CDH8: variants seen among roughly 807,000 people sequenced by gnomAD.
The protein encoded by CDH8 is cadherin 8.
CDH8 carries 17 observed loss-of-function variants against 68.1 expected under a neutral mutation model. The ratio of observed to expected loss-of-function variants is 0.25; its 90% CI spans 0.17 to 0.37. CDH8 has a LOEUF of 0.37. CDH8 is among the 10% of genes least tolerant of loss of function. The probability of loss-of-function intolerance (pLI) is 1.00; values close to 1 mark genes in which losing one functional copy is unlikely to be tolerated. For missense variants in CDH8, 763 were observed against 999.3 expected (o/e 0.76, Z 3.19); for synonymous variants, 372 against 365.1 (o/e 1.02, Z -0.21).
At chr16:61,704,566 G>A (rs1320147427) in intron 10 of CDH8, among the ~76,000 whole-genome samples, 1 of 152,078 alleles carries the variant, frequency 6.6e-6, no homozygotes, top group African/African-American at 2.4e-5. Flanking sequence ...AGTACATAAA[G>A]TACCACAGAA....
intron 4 of CDH8, 52 bp from the exon 5 acceptor site, chr16:61,825,231 T>C: frequency 6.8e-7 from 1 of 1,465,662 alleles, no homozygotes; most frequent in Non-Finnish European, 9.4e-7. Flanking sequence ...AATTCAAAAA[T>C]GAAAGTGTTA....
intron 1 of CDH8, among the ~76,000 whole-genome samples, chr16:62,030,822 A>G (rs1902307342): frequency 1.3e-5 from 2 of 152,074 alleles, no homozygotes; most frequent in Admixed American, 1.3e-4. Context: ...GTACCTTATC[A>G]TGGCACACTA....
chr16:61,864,322 G>T (rs149496016), intron 3 of CDH8, among the ~76,000 whole-genome samples: 1,599 of 151,798 alleles, frequency 0.011, 10 homozygotes, highest in Non-Finnish European at 0.016. Context: ...TGGTTGGTTG[G>T]TTGGTTGGTT....
At chr16:61,898,408 T>C (rs1963907115) in intron 3 of CDH8, among the ~76,000 whole-genome samples, 1 of 151,916 alleles carries the variant, frequency 6.6e-6, no homozygotes, top group South Asian at 2.1e-4. Context: ...GGATAACAAA[T>C]CAAGACCTGA....
At chr16:61,794,904 C>T (rs1007527287) in intron 7 of CDH8, among the ~76,000 whole-genome samples, 1 of 151,874 alleles carries the variant, frequency 6.6e-6, no homozygotes, top group African/African-American at 2.4e-5. Flanking sequence ...AGAAAGGATG[C>T]CATTTTTGGA....
intron 8 of CDH8, among the ~76,000 whole-genome samples, chr16:61,753,396 C>T (rs1281025058): frequency 7.2e-5 from 11 of 152,010 alleles, no homozygotes; most frequent in Admixed American, 3.3e-4. Context: ...TGTGCCACCA[C>T]GCCCATCTAA....
At chr16:61,967,586 T>C (rs1670637013) in intron 2 of CDH8, among the ~76,000 whole-genome samples, 1 of 152,194 alleles carries the variant, frequency 6.6e-6, no homozygotes, top group African/African-American at 2.4e-5. Flanking sequence ...ATGTACATCA[T>C]ATACATGTAG....
chr16:61,756,140 C>T (rs1045748521), intron 8 of CDH8, among the ~76,000 whole-genome samples: 1 of 152,054 alleles, frequency 6.6e-6, no homozygotes, highest in Admixed American at 6.6e-5. Flanking sequence ...ATTTTGTAAC[C>T]AAGTTGTTAC....
At chr16:61,972,261 G>A (rs532273453) in intron 2 of CDH8, among the ~76,000 whole-genome samples, 3 of 152,298 alleles carry the variant, frequency 2.0e-5, no homozygotes, top group Admixed American at 2.0e-4. Flanking sequence ...ATGTGGAACT[G>A]TGAGTTAATT....
chr16:61,676,781 T>C, intron 10 of CDH8, among the ~76,000 whole-genome samples: 1 of 152,026 alleles, frequency 6.6e-6, no homozygotes. Context: ...GACATTGTCA[T>C]CCTAAAAATA....
At chr16:61,666,725 G>A (rs549479788) in intron 10 of CDH8, among the ~76,000 whole-genome samples, 4 of 151,816 alleles carry the variant, frequency 2.6e-5, no homozygotes, top group Non-Finnish European at 5.9e-5. Context: ...ATGATAAGAA[G>A]GTCAAAACAA....
intron 7 of CDH8, among the ~76,000 whole-genome samples, chr16:61,814,628 A>G (rs1362396548): frequency 6.6e-6 from 1 of 152,198 alleles, no homozygotes; most frequent in Non-Finnish European, 1.5e-5. Context: ...TAAAAGATGG[A>G]TACATTCTTG....
chr16:61,682,731 G>A (rs1038483899), intron 10 of CDH8, among the ~76,000 whole-genome samples: 5 of 151,838 alleles, frequency 3.3e-5, no homozygotes, highest in African/African-American at 1.2e-4. Context: ...TGTCCAAGAA[G>A]CCATGGAGCA....
chr16:61,762,728 TA>T (rs1312713050), intron 8 of CDH8, among the ~76,000 whole-genome samples: 1 of 152,184 alleles, frequency 6.6e-6, no homozygotes, highest in Non-Finnish European at 1.5e-5. Context: ...TGTTTTGTGA[TA>T]ACTATTTCAT....
intron 1 of CDH8, among the ~76,000 whole-genome samples, chr16:62,024,367 A>C (rs981040066): frequency 6.6e-6 from 1 of 152,196 alleles, no homozygotes; most frequent in African/African-American, 2.4e-5. Flanking sequence ...ATAGACTAGC[A>C]TGCACAGTTC....
intron 8 of CDH8, among the ~76,000 whole-genome samples, chr16:61,756,687 T>C (rs1445927997): frequency 1.3e-5 from 2 of 152,200 alleles, no homozygotes; most frequent in Non-Finnish European, 2.9e-5. Flanking sequence ...CTCTTCATTC[T>C]TTTCACTTCA....
At position 61,652,469 on chromosome 16, in the gene CDH8, C is replaced by A; in HGVS notation, c.*1139G>T. 2.0e-6 allele frequency: 2 copies of A among 988,962 alleles called. No individual in the cohort carries two copies. The highest frequency in any genetic ancestry group is 2.4e-6 in the Non-Finnish European group (2 of 832,220). 61.3% of individuals were successfully genotyped at this position (988,962 alleles called of 1,614,324 possible). ...AAACACCAAATACTAGGATTATGAA[C>A]AAAATAGAAAACAGTCCAAAAGTTT... On this transcript the variant is annotated 3_prime_UTR_variant, in exon 12 of 12. Coordinates refer to ENST00000577390, the MANE Select transcript of CDH8 (RefSeq NM_001796.5).
At chr16:62,008,191 C>T (rs1019903757) in intron 2 of CDH8, among the ~76,000 whole-genome samples, 1 of 151,754 alleles carries the variant, frequency 6.6e-6, no homozygotes, top group Non-Finnish European at 1.5e-5. Context: ...CCTGCCTCAG[C>T]CTCCCAAAGC....
rs760266740 is a variant in CDH8 at position 61,653,664 on chromosome 16, G to A, written c.2344C>T (p.Arg782Cys). 5.6e-6 allele frequency: 9 copies of A among 1,613,948 alleles called. No individual in the cohort carries two copies. Among genetic ancestry groups the A allele is most frequent in the East Asian group, 2.2e-5 (1 of 44,872 alleles). Residue 782 changes from arginine to cysteine, a missense_variant, in exon 12 of 12, where the codon CGC becomes TGC. Arg to Cys is a radical substitution (Grantham distance 180). This residue lies in a region of CDH8 where 397 missense variants were observed against 436.2 expected (regional missense o/e 0.91). Coordinates refer to ENST00000577390, the MANE Select transcript of CDH8 (RefSeq NM_001796.5). ...NFDYLSDWGP[R>C]FKRLGELYSV... ...TAGAGTTCGCCCAGTCTCTTAAAGC[G>A]GGGACCCCAGTCACTGAGGTAGTCA...
Sources: allele counts gnomAD v4.1 joint callset (sites outside exome capture counted in the v4.1 genomes callset), GRCh38; gene constraint gnomAD v4.1.1; regional missense constraint gnomAD v4.1.1; transcripts MANE v1.5; gene names NCBI Gene and HGNC (gene_info 2026-07-23, HGNC 2026-07-21).